Variants in UVRAG observed in about 807,000 individuals in gnomAD.
The protein encoded by UVRAG is UV radiation resistance associated, also known as UV radiation resistance-associated gene protein.
In UVRAG, 19 loss-of-function variants were observed where a neutral mutation model predicts 78.0. That is an observed-to-expected ratio of 0.24 (90% confidence interval 0.17 to 0.36). The LOEUF (loss-of-function observed/expected upper bound fraction) is 0.36. Ranked by LOEUF, UVRAG falls within the 10% of genes least tolerant of loss-of-function variation. The pLI is 1.00. For missense variants in UVRAG, 740 were observed against 853.8 expected (o/e 0.87, Z 1.66); for synonymous variants, 323 against 324.6 (o/e 1.00, Z 0.05).
At chr11:76,092,777 C>T (rs1189613621) in intron 13 of UVRAG, among the ~76,000 whole-genome samples, 2 of 152,098 alleles carry the variant, frequency 1.3e-5, no homozygotes, top group Admixed American at 1.3e-4. Context: ...TTCTCCCATT[C>T]TGTAGGTCAC....
At chr11:76,010,302 T>G (rs1950027232) in intron 11 of UVRAG, among the ~76,000 whole-genome samples, 1 of 152,184 alleles carries the variant, frequency 6.6e-6, no homozygotes, top group African/African-American at 2.4e-5. Context: ...AGTAAACATG[T>G]TCTCTCCTTC....
intron 13 of UVRAG, among the ~76,000 whole-genome samples, chr11:76,110,208 G>GTAAATATATATATATATATATA (rs1952045276): frequency 8.3e-6 from 1 of 120,628 alleles, no homozygotes; most frequent in African/African-American, 5.3e-5. Context: ...TATATATCTG[G>GTAAATATATATATATATATATA]TACATATATA....
chr11:75,969,038 C>A (rs996803646), intron 7 of UVRAG, among the ~76,000 whole-genome samples: 1 of 152,080 alleles, frequency 6.6e-6, no homozygotes, highest in African/African-American at 2.4e-5. Flanking sequence ...AAATGTACAG[C>A]CCAGTGGTAT....
At chr11:76,116,306 C>T (rs1197607747) in intron 14 of UVRAG, among the ~76,000 whole-genome samples, 1 of 152,164 alleles carries the variant, frequency 6.6e-6, no homozygotes, top group African/African-American at 2.4e-5. Context: ...GGAAGACAGC[C>T]AGTATGATTC....
At chr11:75,862,677 G>A (rs543286869) in intron 3 of UVRAG, among the ~76,000 whole-genome samples, 151 of 152,276 alleles carry the variant, frequency 9.9e-4, no homozygotes, top group African/African-American at 3.4e-3. Flanking sequence ...GACCTTCTAT[G>A]GCTATCTCAT....
chr11:75,848,593 C>G (rs565379597), intron 1 of UVRAG, among the ~76,000 whole-genome samples: 1 of 152,144 alleles, frequency 6.6e-6, no homozygotes, highest in Non-Finnish European at 1.5e-5. Flanking sequence ...ATTATAGATT[C>G]GATCTCCGTC....
intron 5 of UVRAG, among the ~76,000 whole-genome samples, chr11:75,896,345 C>T (rs776923795): frequency 6.6e-6 from 1 of 151,838 alleles, no homozygotes; most frequent in Non-Finnish European, 1.5e-5. Context: ...CTTTCAGATC[C>T]CTATTCAGGA....
chr11:76,045,417 G>T (rs542782750), intron 12 of UVRAG, among the ~76,000 whole-genome samples: 7 of 152,104 alleles, frequency 4.6e-5, no homozygotes, highest in South Asian at 4.2e-4. Context: ...ATTAACCAAA[G>T]AATTACCAGA....
At chr11:75,939,620 A>T (rs1233286337) in intron 6 of UVRAG, among the ~76,000 whole-genome samples, 5 of 152,196 alleles carry the variant, frequency 3.3e-5, no homozygotes, top group African/African-American at 9.6e-5. Flanking sequence ...AAGCCTCATG[A>T]GCATATGGTC....
intron 2 of UVRAG, among the ~76,000 whole-genome samples, chr11:75,860,648 A>G (rs1281893660): frequency 6.6e-6 from 1 of 152,352 alleles, no homozygotes; most frequent in East Asian, 1.9e-4. Flanking sequence ...TGAAAAGAAC[A>G]ATACTTACGG....
At chr11:75,871,504 G>A (rs368557864) in intron 3 of UVRAG, among the ~76,000 whole-genome samples, 4 of 151,738 alleles carry the variant, frequency 2.6e-5, no homozygotes, top group African/African-American at 7.3e-5. Context: ...GATTGGTCTC[G>A]AACTCCTGAT....
At chr11:76,052,451 A>G (rs1466396469) in intron 12 of UVRAG, among the ~76,000 whole-genome samples, 1 of 152,010 alleles carries the variant, frequency 6.6e-6, no homozygotes, top group Non-Finnish European at 1.5e-5. Flanking sequence ...CCCTCTCTCT[A>G]TGCCAGGCTT....
Position 75,932,265 on chromosome 11 carries a change from CTTTATTTATTTA to C in UVRAG, c.593+20253_593+20264del, listed in dbSNP as rs71272238. ...TATCTTTGTTTGCAGATTATATGAT[CTTTATTTATTTA>C]TTTATTTATTTATTTATTTATTTAT... On this transcript the variant is annotated intron_variant, in intron 6 of 14. Coordinates refer to ENST00000356136, the MANE Select transcript of UVRAG (RefSeq NM_003369.4). 1.3e-3 allele frequency among the ~76,000 whole-genome samples: 190 copies of C among 149,670 alleles called. 2 individuals carry two copies. The highest frequency in any genetic ancestry group is 5.6e-3 in the South Asian group (26 of 4,662).
chr11:76,029,270 A>G (rs7107716), intron 12 of UVRAG, among the ~76,000 whole-genome samples: 15,503 of 152,178 alleles, frequency 0.1, 1,873 homozygotes, highest in African/African-American at 0.29. Context: ...GGTTACCCAC[A>G]AGTGCTGAAT....
intron 7 of UVRAG, among the ~76,000 whole-genome samples, chr11:75,982,556 C>T (rs1949414342): frequency 6.6e-6 from 1 of 152,086 alleles, no homozygotes; most frequent in Admixed American, 6.5e-5. Context: ...GTCCAGGATC[C>T]CCATGTGGTG....
At chr11:75,922,451 T>C (rs1332293978) in intron 6 of UVRAG, among the ~76,000 whole-genome samples, 3 of 152,182 alleles carry the variant, frequency 2.0e-5, no homozygotes, top group Non-Finnish European at 4.4e-5. Context: ...GCTCTCCTTT[T>C]TTGGCATACA....
chr11:76,040,653 T>C (rs1950631241), intron 12 of UVRAG, among the ~76,000 whole-genome samples: 1 of 151,940 alleles, frequency 6.6e-6, no homozygotes, highest in African/African-American at 2.4e-5. Flanking sequence ...CCTCCTGGGA[T>C]CAAGCAATTC....
rs909098420 is a variant in UVRAG at position 75,888,147 on chromosome 11, T to C, written c.433-682T>C. 1.1e-4 allele frequency among the ~76,000 whole-genome samples: 16 copies of C among 152,310 alleles called. No individual in the cohort carries two copies. In the East Asian group the frequency reaches 3.1e-3, roughly 29 times the overall value. On this transcript the variant is annotated intron_variant, in intron 4 of 14. Coordinates refer to ENST00000356136, the MANE Select transcript of UVRAG (RefSeq NM_003369.4). Reference sequence around the variant, plus strand: ...TTCTAGGGCTTCATTTTTTTTCTTATTTTTAAGACGAGGTTGTGCTCCCTC... The same window carrying C: ...TTCTAGGGCTTCATTTTTTTTCTTACTTTTAAGACGAGGTTGTGCTCCCTC...
chr11:76,028,568 A>T (rs945729614), intron 12 of UVRAG, among the ~76,000 whole-genome samples: 1 of 152,130 alleles, frequency 6.6e-6, no homozygotes, highest in African/African-American at 2.4e-5. Flanking sequence ...CATACAAATG[A>T]TAAGAAAGTG....
Sources: allele counts gnomAD v4.1 joint callset (sites outside exome capture counted in the v4.1 genomes callset), GRCh38; gene constraint gnomAD v4.1.1; transcripts MANE v1.5; gene names NCBI Gene and HGNC (gene_info 2026-07-23, HGNC 2026-07-21).